The following CSMD1 variants were observed in gnomAD, a reference collection of about 807,000 sequenced individuals.
CSMD1 encodes CUB and sushi domain-containing protein 1.
CSMD1 carries 213 observed loss-of-function variants against 417.5 expected under a neutral mutation model. The ratio of observed to expected loss-of-function variants is 0.51; its 90% CI spans 0.46 to 0.57. The LOEUF (loss-of-function observed/expected upper bound fraction) is 0.57. Among genes scored for constraint, CSMD1 ranks in the 20% least tolerant of loss-of-function variants. CSMD1 has a pLI of 0.00. For missense variants in CSMD1, 6,923 were observed against 4,529.7 expected (o/e 1.53, Z -15.17); for synonymous variants, 2,862 against 1,736.8 (o/e 1.65, Z -16.11).
chr8:4,168,142 A>AAT (rs569034543), intron 3 of CSMD1, among the ~76,000 whole-genome samples: 135 of 12,292 alleles, frequency 0.011, no homozygotes, highest in East Asian at 0.026. Context: ...AATAAAAAAA[A>AAT]ATATACACAC....
intron 41 of CSMD1, among the ~76,000 whole-genome samples, 174 bp from the exon 42 acceptor site, chr8:3,118,761 A>C (rs1336302208): frequency 6.6e-6 from 1 of 152,364 alleles, no homozygotes; most frequent in South Asian, 2.1e-4. Context: ...TATTATTAGT[A>C]GTAGTAGAAT....
intron 1 of CSMD1, among the ~76,000 whole-genome samples, chr8:4,887,094 T>C (rs1803797562): frequency 1.3e-5 from 2 of 152,054 alleles, no homozygotes; most frequent in African/African-American, 4.8e-5. Context: ...TTTTCTTCTT[T>C]TATATATAAA....
At chr8:3,306,739 G>A (rs186210254) in intron 25 of CSMD1, among the ~76,000 whole-genome samples, 1 of 152,164 alleles carries the variant, frequency 6.6e-6, no homozygotes, top group East Asian at 1.9e-4. Context: ...TTTTAAACAA[G>A]AACTAAAAAT....
chr8:3,076,612 T>C (rs974313675), intron 49 of CSMD1, among the ~76,000 whole-genome samples: 2 of 152,184 alleles, frequency 1.3e-5, no homozygotes, highest in Non-Finnish European at 2.9e-5. Context: ...GCTCTCACTA[T>C]TTTTAAAAGT....
intron 40 of CSMD1, among the ~76,000 whole-genome samples, chr8:3,145,940 T>G (rs1000061873): frequency 6.6e-6 from 1 of 152,218 alleles, no homozygotes; most frequent in South Asian, 2.1e-4. Context: ...GACAAAACTT[T>G]GAATAGTAAT....
intron 25 of CSMD1, among the ~76,000 whole-genome samples, chr8:3,286,028 CAT>C (rs1222496980): frequency 6.6e-6 from 1 of 152,020 alleles, no homozygotes; most frequent in Non-Finnish European, 1.5e-5. Flanking sequence ...TTCCTGTGTC[CAT>C]GTGTTCTCAC....
chr8:3,515,988 G>C (rs903263902), intron 10 of CSMD1, among the ~76,000 whole-genome samples: 2 of 152,148 alleles, frequency 1.3e-5, no homozygotes, highest in Admixed American at 1.3e-4. Context: ...TGTTCTAAAG[G>C]TTTAAAATTA....
intron 1 of CSMD1, among the ~76,000 whole-genome samples, chr8:4,783,003 T>A (rs886768051): frequency 6.6e-6 from 1 of 150,590 alleles, no homozygotes; most frequent in African/African-American, 2.4e-5. Context: ...AAATGTGAGA[T>A]CCAGATGGTC....
intron 26 of CSMD1, among the ~76,000 whole-genome samples, chr8:3,261,126 T>C (rs991403577): frequency 6.6e-6 from 1 of 152,222 alleles, no homozygotes; most frequent in African/African-American, 2.4e-5. Context: ...ACTGCATCCT[T>C]ATAAGCACAC....
chr8:4,808,152 C>T (rs1297686851), intron 1 of CSMD1, among the ~76,000 whole-genome samples: 4 of 152,138 alleles, frequency 2.6e-5, no homozygotes, highest in African/African-American at 7.2e-5. Flanking sequence ...ACCACGATTC[C>T]GGCGGTGTGG....
At chr8:3,330,735 C>T (rs1021258860) in intron 23 of CSMD1, among the ~76,000 whole-genome samples, 5 of 151,806 alleles carry the variant, frequency 3.3e-5, no homozygotes, top group Admixed American at 3.3e-4. Flanking sequence ...CACCTGTGCC[C>T]CAAACCTAAA....
chr8:3,916,931 T>C (rs1004246518), intron 5 of CSMD1, among the ~76,000 whole-genome samples: 61 of 152,062 alleles, frequency 4.0e-4, no homozygotes, highest in African/African-American at 1.4e-3. Flanking sequence ...AATAATAATC[T>C]GCACTAAAAG....
intron 7 of CSMD1, among the ~76,000 whole-genome samples, chr8:3,627,551 A>C (rs1796557068): frequency 6.6e-6 from 1 of 152,202 alleles, no homozygotes; most frequent in South Asian, 2.1e-4. Context: ...ATAGTACATT[A>C]CTTACAGGTA....
At chr8:4,157,023 G>A (rs918540272) in intron 3 of CSMD1, among the ~76,000 whole-genome samples, 4 of 152,186 alleles carry the variant, frequency 2.6e-5, no homozygotes, top group African/African-American at 9.7e-5. Flanking sequence ...GCCAGGCATT[G>A]AGGGGCATGT....
chr8:4,894,982 T>C (rs1009089904), intron 1 of CSMD1, among the ~76,000 whole-genome samples: 7 of 152,220 alleles, frequency 4.6e-5, no homozygotes, highest in African/African-American at 1.7e-4. Flanking sequence ...TCCACTTTTC[T>C]GATCTACTGC....
intron 12 of CSMD1, among the ~76,000 whole-genome samples, chr8:3,431,017 T>C (rs921423885): frequency 6.6e-6 from 1 of 152,152 alleles, no homozygotes; most frequent in African/African-American, 2.4e-5. Flanking sequence ...TGGTTTTAGT[T>C]CCTTAGCAAG....
intron 1 of CSMD1, among the ~76,000 whole-genome samples, chr8:4,712,504 A>T (rs1808372750): frequency 6.6e-6 from 1 of 152,188 alleles, no homozygotes; most frequent in Non-Finnish European, 1.5e-5. Flanking sequence ...CTTGCAGGAA[A>T]ATTTCCCTTA....
intron 3 of CSMD1, among the ~76,000 whole-genome samples, chr8:4,412,586 C>G (rs1019398616): frequency 6.6e-6 from 1 of 151,732 alleles, no homozygotes; most frequent in South Asian, 2.1e-4. Context: ...CTAATACAGC[C>G]TCACAAGTGG....
intron 1 of CSMD1, among the ~76,000 whole-genome samples, chr8:4,970,731 G>A (rs1323421453): frequency 6.6e-6 from 1 of 152,122 alleles, no homozygotes; most frequent in Admixed American, 6.6e-5. Context: ...GAAAGAGCAA[G>A]TGTGCCTGCC....
Sources: allele counts gnomAD v4.1 joint callset (sites outside exome capture counted in the v4.1 genomes callset), GRCh38; gene constraint gnomAD v4.1.1; transcripts MANE v1.5; gene names NCBI Gene and HGNC (gene_info 2026-07-23, HGNC 2026-07-21).